Variants in IPO8 observed in about 807,000 individuals in gnomAD.
IPO8 encodes importin-8.
IPO8 carries 65 observed loss-of-function variants against 141.2 expected under a neutral mutation model. The ratio of observed to expected loss-of-function variants is 0.46; its 90% CI spans 0.38 to 0.57. IPO8 has a LOEUF of 0.57. Among genes scored for constraint, IPO8 ranks in the 20% least tolerant of loss-of-function variants. The probability of loss-of-function intolerance (pLI) is 0.00; values close to 1 mark genes in which losing one functional copy is unlikely to be tolerated. For missense variants in IPO8, 980 were observed against 1,246.8 expected, an observed-to-expected ratio of 0.79 and a Z score of 3.22; for synonymous variants, 411 against 420.3, an observed-to-expected ratio of 0.98 and a Z score of 0.27.
intron 18 of IPO8, among the ~76,000 whole-genome samples, chr12:30,652,663 T>C (rs1394463330): frequency 6.6e-6 from 1 of 152,086 alleles, no homozygotes; most frequent in Non-Finnish European, 1.5e-5. Context: ...CACTGCTGGA[T>C]TGCTGAGATT....
At chr12:30,674,586 C>T (rs879237495) in intron 7 of IPO8, 73 bp downstream of exon 7, 1 of 1,138,908 alleles carries the variant, frequency 8.8e-7, no homozygotes, top group South Asian at 1.2e-5. Context: ...CTCGGTGGCT[C>T]TAAAGACAGA....
At chr12:30,682,897 T>C (rs2053202976) in intron 3 of IPO8, among the ~76,000 whole-genome samples, 1 of 152,156 alleles carries the variant, frequency 6.6e-6, no homozygotes, top group South Asian at 2.1e-4. Flanking sequence ...ACAATGATTA[T>C]AATTAAGCCT....
chr12:30,671,552 T>C (rs1466590453), intron 8 of IPO8, among the ~76,000 whole-genome samples: 4 of 151,664 alleles, frequency 2.6e-5, no homozygotes, highest in Non-Finnish European at 5.9e-5. Flanking sequence ...CGGGTGCCTG[T>C]AGTCCCAGCT....
At chr12:30,688,846 T>C (rs1256483127) in intron 2 of IPO8, 1 of 152,678 alleles carries the variant, frequency 6.5e-6, no homozygotes, top group Admixed American at 6.5e-5. Flanking sequence ...AGCCAAGCAT[T>C]TCCCCTTGTT....
intron 13 of IPO8, among the ~76,000 whole-genome samples, chr12:30,664,383 G>C (rs1161848567): frequency 6.6e-6 from 1 of 152,124 alleles, no homozygotes; most frequent in African/African-American, 2.4e-5. Flanking sequence ...TTTTTAGCAA[G>C]ACATTTTTGT....
At position 30,631,933 on chromosome 12, in the gene IPO8, T is replaced by A. The variant is rs2052438555; in HGVS notation, c.2978A>T (p.Glu993Val). Reference protein sequence around the residue: ...LSEDQRTALQEVYTLAEHRRT... With the variant: ...LSEDQRTALQVVYTLAEHRRT... ...TCGGTGCTCTGCCAGTGTGTACACC[T>A]CCTGCAGTGCTGTCCTCTGATCCTC... The change falls in exon 24 of 25, where the codon GAG becomes GTG. Residue 993 changes from glutamate (E) to valine (V), a missense_variant. By Grantham distance (121) the Glu-to-Val change is moderately radical (BLOSUM62 -2). This residue lies in a region of IPO8 where 924 missense variants were observed against 1,153.9 expected (regional missense o/e 0.80). Coordinates refer to ENST00000256079, the MANE Select transcript of IPO8 (RefSeq NM_006390.4). 6.2e-7 allele frequency: 1 copy of A among 1,612,842 alleles called. No individual in the cohort carries two copies. The highest frequency in any genetic ancestry group is 1.1e-5 in the South Asian group (1 of 91,040).
At position 30,630,638 on chromosome 12, in the gene IPO8, T is replaced by G; in HGVS notation, c.*222A>C. On this transcript the variant is annotated 3_prime_UTR_variant, in exon 25 of 25. Transcript: ENST00000256079. ...TTGTCCTTTTCCGTCCAATGATTGT[T>G]TTTCTTTCATTTCATACTTACAGTA... 3.9e-6 allele frequency: 2 copies of G among 507,390 alleles called. No homozygotes were observed. The highest frequency in any genetic ancestry group is 3.2e-5 in the South Asian group (1 of 30,934). The allele number at this position is 507,390 out of a possible 1,614,324, so 31.4% of individuals were successfully genotyped here.
chr12:30,631,608 G>C (rs570677000), intron 24 of IPO8: 80 of 236,284 alleles, frequency 3.4e-4, no homozygotes, highest in Non-Finnish European at 5.3e-4. Flanking sequence ...AGTCTCCCTC[G>C]GCAAGACTTA....
At chr12:30,654,533 T>A (rs1280840497) in intron 17 of IPO8, among the ~76,000 whole-genome samples, 1 of 151,642 alleles carries the variant, frequency 6.6e-6, no homozygotes, top group Non-Finnish European at 1.5e-5. Flanking sequence ...AGAAAGAAAA[T>A]AACCCAACTT....
rs1160068761 is a variant in IPO8 at position 30,665,766 on chromosome 12, A to T, written c.1301T>A (p.Leu434Gln). ...CTCAGCTAGGGAACCAATCACATGCAGGGCTCCATCTTTCTTCCTAGGGTC... is the reference window on the plus strand; with the variant it reads ...CTCAGCTAGGGAACCAATCACATGCTGGGCTCCATCTTTCTTCCTAGGGTC... ...NFDPRKKDGA[L>Q]HVIGSLAEIL... Residue 434 changes from leucine to glutamine, a missense_variant, in exon 12 of 25, where the codon CTG becomes CAG. Physicochemically the swap from Leu to Gln is moderately radical, Grantham distance 113. This residue lies in a region of IPO8 where 924 missense variants were observed against 1,153.9 expected (regional missense o/e 0.80). Coordinates refer to ENST00000256079, the MANE Select transcript of IPO8 (RefSeq NM_006390.4). The T allele has an allele frequency of 6.2e-7, 1 of 1,613,056 alleles. No individual in the cohort carries two copies. Among genetic ancestry groups the T allele is most frequent in the Admixed American group, 1.7e-5 (1 of 59,976 alleles).
At chr12:30,644,223 C>G (rs1381581973) in intron 20 of IPO8, among the ~76,000 whole-genome samples, 1 of 151,896 alleles carries the variant, frequency 6.6e-6, no homozygotes, top group African/African-American at 2.4e-5. Flanking sequence ...TGAAAATGAG[C>G]TGGGCATGGT....
intron 4 of IPO8, among the ~76,000 whole-genome samples, chr12:30,681,005 G>A (rs2053183742): frequency 6.6e-6 from 1 of 152,008 alleles, no homozygotes; most frequent in African/African-American, 2.4e-5. Flanking sequence ...AAATAATATG[G>A]GGGGAATTTT....
chr12:30,654,892 T>C (rs999618158), intron 17 of IPO8, among the ~76,000 whole-genome samples: 2 of 152,098 alleles, frequency 1.3e-5, no homozygotes, highest in Non-Finnish European at 2.9e-5. Context: ...GAAGAGATAA[T>C]GTGCCCTCCT....
At position 30,680,654 on chromosome 12, in the gene IPO8, CA is replaced by C; in HGVS notation, c.483-17del. 6.3e-7 allele frequency: 1 copy of C among 1,580,774 alleles called. No individual in the cohort carries two copies. Among genetic ancestry groups the C allele is most frequent in the Non-Finnish European group, 8.6e-7 (1 of 1,169,274 alleles). ...TTTCTTATATCTACATGAGCAAAGA[CA>C]AAAACAGAAAAGTAATTTTTCCCAC... On this transcript the variant is annotated splice_polypyrimidine_tract_variant and intron_variant, in intron 4 of 24. Transcript: ENST00000256079.
chr12:30,695,591 C>T lies in IPO8; in HGVS notation c.57G>A (p.Arg19=). Residue 19 remains arginine, a synonymous_variant, in exon 1 of 25, where the codon CGG becomes CGA. Transcript: ENST00000256079. The surrounding 1 kb of genome is among the most constrained non-coding windows in gnomAD (Gnocchi z 4.2). ...GGTTGAGCTCGTTCTCGGCTGCAAT[C>T]CGCAACTTCGGGTCGATGGTGCCCT... ...ALKGTIDPKL[R]IAAENELNQS... The T allele has an allele frequency of 6.2e-7, 1 of 1,614,120 alleles. No homozygotes were observed. The highest frequency in any genetic ancestry group is 1.3e-5 in the African/African-American group (1 of 75,050).
rs1316219132 is a variant in IPO8 at position 30,631,029 on chromosome 12, C to G, written c.3017-72G>C. 3 of 1,068,724 alleles carry G rather than the reference C, an allele frequency of 2.8e-6. No individual in the cohort carries two copies. In the African/African-American group the frequency reaches 4.7e-5, roughly 17 times the overall value. The allele number at this position is 1,068,724 out of a possible 1,614,324, so 66.2% of individuals were successfully genotyped here. A position where few individuals can be genotyped will look rare whatever the true frequency, so the allele number is the denominator to read the frequency against. On this transcript the variant is annotated intron_variant, in intron 24 of 24. Coordinates refer to ENST00000256079, the MANE Select transcript of IPO8 (RefSeq NM_006390.4). ...TAAGGTGACAAAGTTGGAGATGACTCAAAGGAGCCAGATTCTTTATATGCT... is the reference window on the plus strand; with the variant it reads ...TAAGGTGACAAAGTTGGAGATGACTGAAAGGAGCCAGATTCTTTATATGCT...
At chr12:30,654,741 G>C (rs2052775501) in intron 17 of IPO8, among the ~76,000 whole-genome samples, 1 of 152,028 alleles carries the variant, frequency 6.6e-6, no homozygotes, top group African/African-American at 2.4e-5. Context: ...GGAAACTGTT[G>C]TATACTCTTG....
Position 30,639,613 on chromosome 12 carries a change from C to T in IPO8, c.2391G>A (p.Leu797=). The T allele has an allele frequency of 2.5e-6, 4 of 1,614,076 alleles. No homozygotes were observed. Among genetic ancestry groups the T allele is most frequent in the Non-Finnish European group, 3.4e-6 (4 of 1,179,956 alleles). Residue 797 remains leucine, a synonymous_variant, in exon 21 of 25, where the codon CTG becomes CTA. Coordinates refer to ENST00000256079, the MANE Select transcript of IPO8 (RefSeq NM_006390.4). ...ACTGAATTCGTTCTAAAGTATGTAG[C>T]AGCAAATCAGGGTTGTAGTACAAGG... The part of the protein sequence containing the change: ...IAALYYNPDL[L]LHTLERIQLP...
chr12:30,677,074 G>A (rs766759097), intron 5 of IPO8: 126 of 1,518,790 alleles, frequency 8.3e-5, no homozygotes, highest in Non-Finnish European at 9.3e-5. Context: ...TGCAGAAGAC[G>A]GATATTGCCT....
Sources: gnomAD v4.1 joint callset for allele counts (sites outside exome capture counted in the v4.1 genomes callset) on GRCh38, gnomAD v4.1.1 for gene constraint, gnomAD v4.1.1 regional missense constraint, Gnocchi (gnomAD v3.1) non-coding constraint, MANE v1.5 for transcripts, NCBI Gene and HGNC (gene_info 2026-07-23, HGNC 2026-07-21) for gene names.